Variants in IKBIP observed in about 807,000 individuals in gnomAD.
IKBIP encodes the protein inhibitor of nuclear factor kappa-B kinase-interacting protein.
Under a neutral mutation model 31.0 loss-of-function variants are expected in IKBIP, and 28 were observed. The observed-to-expected ratio is 0.90, with a 90% CI of 0.67 to 1.24. The LOEUF (loss-of-function observed/expected upper bound fraction) is 1.24, where lower values mean the gene tolerates loss of function less well. Among genes scored for constraint, IKBIP ranks in the 50% most tolerant of loss-of-function variants. The pLI is 0.00. For missense variants in IKBIP, 453 were observed against 441.9 expected, an observed-to-expected ratio of 1.03 and a Z score of -0.23; for synonymous variants, 164 against 160.3, an observed-to-expected ratio of 1.02 and a Z score of -0.17.
At chr12:98,618,272 CT>C (rs113095404) in intron 2 of IKBIP, among the ~76,000 whole-genome samples, 9 of 152,164 alleles carry the variant, frequency 5.9e-5, no homozygotes, top group African/African-American at 1.2e-4. Flanking sequence ...CTAAAGATAT[CT>C]TTTTTTCTAA....
At chr12:98,626,906 A>C in intron 2 of IKBIP, 140 bp from the exon 3 acceptor site, 3 of 594,854 alleles carry the variant, frequency 5.0e-6, no homozygotes, top group South Asian at 4.8e-5. Flanking sequence ...TATCAGAATC[A>C]GACTGACAAA....
Position 98,625,223 on chromosome 12 carries a change from A to C in IKBIP, c.*707T>G. The C allele has an allele frequency of 1.0e-6, 1 of 976,236 alleles. No homozygotes were observed. The highest frequency in any genetic ancestry group is 1.2e-6 in the Non-Finnish European group (1 of 821,518). The allele number at this position is 976,236 out of a possible 1,614,324, so 60.5% of individuals were successfully genotyped here. ...ATTTATATACACATAATTCCTAAGAAAGGCCTTATGTAAGAACATACTTAC... is the reference window on the plus strand; with the variant it reads ...ATTTATATACACATAATTCCTAAGACAGGCCTTATGTAAGAACATACTTAC... On this transcript the variant is annotated 3_prime_UTR_variant, in exon 3 of 3. Coordinates refer to ENST00000299157, the MANE Select transcript of IKBIP (RefSeq NM_153687.4).
At chr12:98,619,825 T>A (rs2097608602), downstream of IKBIP, among the ~76,000 whole-genome samples, 1 of 133,886 alleles carries the variant, frequency 7.5e-6, no homozygotes, top group Admixed American at 8.2e-5. Flanking sequence ...TGAGCTGAGA[T>A]CATGCCACTG....
At chr12:98,629,327 G>A (rs2097617770) in intron 2 of IKBIP, among the ~76,000 whole-genome samples, 1 of 152,130 alleles carries the variant, frequency 6.6e-6, no homozygotes. Flanking sequence ...GACTGCTTGA[G>A]CCTAGGAGTT....
In IKBIP at chr12:98,624,777, C is replaced by T; in HGVS notation, c.*1153G>A. 1 of 875,838 alleles carries T rather than the reference C, an allele frequency of 1.1e-6. No individual in the cohort carries two copies. The highest frequency in any genetic ancestry group is 1.4e-6 in the Non-Finnish European group (1 of 730,382). The allele number at this position is 875,838 out of a possible 1,614,324, so 54.3% of individuals were successfully genotyped here. Reference sequence around the variant, plus strand: ...ATTATCAGAGTTATGTTACTTTTCCCTCAAAACAGGCCACAGGCTTATTTT... The same window carrying T: ...ATTATCAGAGTTATGTTACTTTTCCTTCAAAACAGGCCACAGGCTTATTTT... On this transcript the variant is annotated 3_prime_UTR_variant, in exon 3 of 3. Transcript: ENST00000299157.
Position 98,628,000 on chromosome 12 carries a change from C to T in IKBIP, c.298-1234G>A, listed in dbSNP as rs114408501. ...AATTATGCTAAGCCTCCGGCACCTC[C>T]TAATCTGTATCTGGAATATAGAAGG... On this transcript the variant is annotated intron_variant, in intron 2 of 2. Transcript: ENST00000299157. 3.4e-3 allele frequency among the ~76,000 whole-genome samples: 517 copies of T among 152,346 alleles called. 4 individuals carry two copies. Among genetic ancestry groups the T allele is most frequent in the African/African-American group, 0.012 (501 of 41,580 alleles).
rs1039565933 is a variant in IKBIP, at chr12:98,626,204, G to A, written c.860C>T (p.Ser287Phe). The A allele has an allele frequency of 4.3e-6, 7 of 1,613,432 alleles. No homozygotes were observed. The highest frequency in any genetic ancestry group is 5.9e-6 in the Non-Finnish European group (7 of 1,179,404). Residue 287 changes from serine (S) to phenylalanine (F), a missense_variant, in exon 3 of 3, where the codon TCT (serine) becomes TTT (phenylalanine). Coordinates refer to ENST00000299157, the MANE Select transcript of IKBIP (RefSeq NM_153687.4). ...ESAIHSVLRV[S>F]QDLIETEKKM... ...CTTTTCTGTTTCTATCAGATCCTGA[G>A]AGACTCTGAGAACAGAGTGAATAGC... is the stretch of plus-strand genomic sequence containing the variant.
At chr12:98,632,620 A>ACT (rs1555211618) in intron 2 of IKBIP, among the ~76,000 whole-genome samples, 1 of 90,852 alleles carries the variant, frequency 1.1e-5, no homozygotes, top group African/African-American at 4.4e-5. Context: ...CCAGATTCCA[A>ACT]TTTTTTTTTT....
chr12:98,629,205 A>G (rs1253094395), intron 2 of IKBIP, among the ~76,000 whole-genome samples: 2 of 152,224 alleles, frequency 1.3e-5, no homozygotes, highest in Non-Finnish European at 2.9e-5. Context: ...CTTAAAGAGT[A>G]TGCAACAAGA....
At chr12:98,614,322 T>C (rs745346265) in exon 3 of IKBIP, 54 of 1,563,420 alleles carry the variant, frequency 3.5e-5, no homozygotes, top group African/African-American at 9.6e-5. Context: ...TGTTCCATGA[T>C]AGCTTCAGAT....
intron 1 of IKBIP, among the ~76,000 whole-genome samples, chr12:98,642,712 T>G (rs2097631687): frequency 6.7e-6 from 1 of 149,358 alleles, no homozygotes; most frequent in Non-Finnish European, 1.5e-5. Flanking sequence ...GTGATTTTCC[T>G]GCCTCAGCCT....
chr12:98,616,075 A>G (rs2097606121), intron 2 of IKBIP, among the ~76,000 whole-genome samples: 1 of 151,502 alleles, frequency 6.6e-6, no homozygotes, highest in African/African-American at 2.4e-5. Context: ...GAACCTCCAC[A>G]CTGTTTTCCA....
chr12:98,629,206 T>C (rs1405256347), intron 2 of IKBIP, among the ~76,000 whole-genome samples: 1 of 152,192 alleles, frequency 6.6e-6, no homozygotes, highest in Non-Finnish European at 1.5e-5. Context: ...TTAAAGAGTA[T>C]GCAACAAGAA....
Position 98,625,382 on chromosome 12 carries a change from G to T in IKBIP, c.*548C>A, listed in dbSNP as rs1222713485. The stretch of plus-strand genomic sequence containing the variant: ...GCAAAGGCACCAGGCTCTCCCTCAG[G>T]CATGTTATCTTTTATTTTACACAAA... On this transcript the variant is annotated 3_prime_UTR_variant, in exon 3 of 3. Coordinates refer to ENST00000299157, the MANE Select transcript of IKBIP (RefSeq NM_153687.4). The T allele has an allele frequency of 1.3e-6, 1 of 754,148 alleles. No individual in the cohort carries two copies. Among genetic ancestry groups the T allele is most frequent in the African/African-American group, 1.9e-5 (1 of 52,594 alleles). 46.7% of individuals were successfully genotyped at this position (754,148 alleles called of 1,614,324 possible).
Position 98,644,428 on chromosome 12 carries a change from G to A in IKBIP, c.179+95C>T, listed in dbSNP as rs897246568. 4 of 1,248,494 alleles carry A rather than the reference G, an allele frequency of 3.2e-6. No homozygotes were observed. The African/African-American group carries it at 4.6e-5, about 14-fold the overall frequency. 77.3% of individuals were successfully genotyped at this position (1,248,494 alleles called of 1,614,324 possible). A position where few individuals can be genotyped will look rare whatever the true frequency, so the allele number is the denominator to read the frequency against. Reference sequence around the variant, plus strand: ...GGCACAGAAGGCCCAGGTCTGGGAGGTTGGATCACCTCCGGCTGGATGTTG... The same window carrying A: ...GGCACAGAAGGCCCAGGTCTGGGAGATTGGATCACCTCCGGCTGGATGTTG... On this transcript the variant is annotated intron_variant, in intron 1 of 2. Transcript: ENST00000299157.
At chr12:98,629,898 G>A (rs1487334759) in intron 2 of IKBIP, among the ~76,000 whole-genome samples, 1 of 151,946 alleles carries the variant, frequency 6.6e-6, no homozygotes, top group African/African-American at 2.4e-5. Flanking sequence ...AGCATTTATG[G>A]GCCACCAACA....
chr12:98,634,417 G>A lies in IKBIP; in HGVS notation c.180-4C>T. On this transcript the variant is annotated splice_region_variant and splice_polypyrimidine_tract_variant and intron_variant, in intron 1 of 2. Transcript: ENST00000299157. ...TTCTGACTGCTGAAATACAAACCTG[G>A]AAAAGAAAAGAAAAATCACTATTCT... is the stretch of plus-strand genomic sequence containing the variant. The A allele has an allele frequency of 7.3e-7, 1 of 1,376,996 alleles. No homozygotes were observed. Among genetic ancestry groups the A allele is most frequent in the Non-Finnish European group, 1.0e-6 (1 of 971,886 alleles). The allele number at this position is 1,376,996 out of a possible 1,614,324, so 85.3% of individuals were successfully genotyped here.
At chr12:98,621,786 C>T (rs969582732), downstream of IKBIP, among the ~76,000 whole-genome samples, 12 of 151,948 alleles carry the variant, frequency 7.9e-5, no homozygotes, top group South Asian at 2.1e-4. Context: ...GTTATGATGA[C>T]GATAATGAAG....
chr12:98,633,147 C>G (rs2097622562), intron 2 of IKBIP, among the ~76,000 whole-genome samples: 1 of 152,076 alleles, frequency 6.6e-6, no homozygotes, highest in African/African-American at 2.4e-5. Flanking sequence ...ACATCCTTAC[C>G]CACCCTGGTG....
Sources: gnomAD v4.1 joint callset for allele counts (sites outside exome capture counted in the v4.1 genomes callset) on GRCh38, gnomAD v4.1.1 for gene constraint, MANE v1.5 for transcripts, NCBI Gene and HGNC (gene_info 2026-07-23, HGNC 2026-07-21) for gene names.